FRRS1L: variants seen among roughly 807,000 people sequenced by gnomAD.
The protein encoded by FRRS1L is ferric chelate reductase 1 like.
FRRS1L carries 22 observed loss-of-function variants against 28.6 expected under a neutral mutation model. That is an observed-to-expected ratio of 0.77 (90% CI 0.55 to 1.10). The LOEUF is 1.10. Ranked by LOEUF, FRRS1L falls within the 50% of genes least tolerant of loss-of-function variation. FRRS1L has a pLI of 0.00. For synonymous variants in FRRS1L, 158 were observed against 151.4 expected, an observed-to-expected ratio of 1.04 and a Z score of -0.32; for missense variants, 380 against 386.9, an observed-to-expected ratio of 0.98 and a Z score of 0.15.
intron 4 of FRRS1L, 24 bp from the exon 5 acceptor site, chr9:109,137,651 A>T (rs773517802): frequency 6.8e-7 from 1 of 1,461,178 alleles, no homozygotes; most frequent in Non-Finnish European, 9.2e-7. Context: ...AGAGAAGAGC[A>T]GGGGCAATTG....
intron 1 of FRRS1L, among the ~76,000 whole-genome samples, chr9:109,164,198 A>G (rs977685752): frequency 1.3e-5 from 2 of 152,018 alleles, no homozygotes; most frequent in Non-Finnish European, 2.9e-5. Context: ...CGCCACTTAC[A>G]TCTCAACTAG....
At position 109,131,612 on chromosome 9, in the gene FRRS1L, C is replaced by G. The variant is rs1174435920; in HGVS notation, c.*5843G>C. The stretch of plus-strand genomic sequence containing the variant: ...ATTGTAAGTTGAAAATATCATAAGT[C>G]AAAACAATTATGGGACATAACCCCA... On this transcript the variant is annotated 3_prime_UTR_variant, in exon 5 of 5. Transcript: ENST00000561981. 1 of 152,172 alleles carries G rather than the reference C, an allele frequency of 6.6e-6. No homozygotes were observed. 9.4% of individuals were successfully genotyped at this position (152,172 alleles called of 1,614,324 possible).
intron 1 of FRRS1L, among the ~76,000 whole-genome samples, chr9:109,160,387 C>G (rs1831466396): frequency 6.6e-6 from 1 of 152,156 alleles, no homozygotes; most frequent in Non-Finnish European, 1.5e-5. Context: ...GGCACATTTA[C>G]TCAGCCATCA....
Position 109,167,076 on chromosome 9 carries a change from C to A in FRRS1L, c.63G>T (p.Thr21=), listed in dbSNP as rs558593755. 2.5e-6 allele frequency: 3 copies of A among 1,179,720 alleles called. 1 individual carries two copies. The highest frequency in any genetic ancestry group is 4.2e-5 in the East Asian group (1 of 23,810). 73.1% of individuals were successfully genotyped at this position (1,179,720 alleles called of 1,614,324 possible). ...VWASLLLLLL[T]GPAACAASPA... is the part of the protein sequence containing the mutation. ...GGCTGGCTGCGCAGGCGGCGGGCCC[C>A]GTCAGTAGCAGCAGGAGCAGCGACG... is the stretch of plus-strand genomic sequence containing the variant. The change falls in exon 1 of 5, where the codon ACG becomes ACT. Residue 21 remains threonine (T), a synonymous_variant. Transcript: ENST00000561981.
chr9:109,163,475 C>T (rs530741040), intron 1 of FRRS1L, among the ~76,000 whole-genome samples: 1 of 152,170 alleles, frequency 6.6e-6, no homozygotes, highest in Non-Finnish European at 1.5e-5. Flanking sequence ...GAATTCTGAA[C>T]ACTAGCATAA....
intron 3 of FRRS1L, 39 bp from the exon 4 acceptor site, chr9:109,141,628 G>T (rs538079112): frequency 1.9e-6 from 3 of 1,591,404 alleles, no homozygotes; most frequent in African/African-American, 2.7e-5. Context: ...AAAGTCAAAG[G>T]TTCATCTTTT....
At position 109,167,001 on chromosome 9, in the gene FRRS1L, C is replaced by A; in HGVS notation, c.138G>T (p.Ala46=). The stretch of plus-strand genomic sequence containing the variant: ...CCTCGTCGGCGCCCGTGTCCCCCCG[C>A]GCGCGTCCCCGGGGTCCCCGGCCCC... ...GPGGRGPRGR[A]RGDTGADEAV... is the part of the protein sequence containing the mutation. Residue 46 remains alanine, a synonymous_variant, in exon 1 of 5, where the codon GCG becomes GCT. Transcript: ENST00000561981. The A allele has an allele frequency of 8.0e-7, 1 of 1,253,400 alleles. No individual in the cohort carries two copies. The highest frequency in any genetic ancestry group is 1.0e-6 in the Non-Finnish European group (1 of 998,036). The allele number at this position is 1,253,400 out of a possible 1,614,324, so 77.6% of individuals were successfully genotyped here. A position where few individuals can be genotyped will look rare whatever the true frequency, so the allele number is the denominator to read the frequency against.
At position 109,132,526 on chromosome 9, in the gene FRRS1L, A is replaced by G. The variant is rs1831069681; in HGVS notation, c.*4929T>C. ...AAATAAATCAACAATAATTTATTTT[A>G]AAAGCAAATTATTCACTAACTTTGA... On this transcript the variant is annotated 3_prime_UTR_variant, in exon 5 of 5. Coordinates refer to ENST00000561981, the MANE Select transcript of FRRS1L (RefSeq NM_014334.4). 1 of 152,244 alleles carries G rather than the reference A, an allele frequency of 6.6e-6. No homozygotes were observed. The allele number at this position is 152,244 out of a possible 1,614,324, so 9.4% of individuals were successfully genotyped here. A position where few individuals can be genotyped will look rare whatever the true frequency, so the allele number is the denominator to read the frequency against.
rs1172015211 is a variant in FRRS1L at position 109,134,903 on chromosome 9, A to T, written c.*2552T>A. On this transcript the variant is annotated 3_prime_UTR_variant, in exon 5 of 5. Coordinates refer to ENST00000561981, the MANE Select transcript of FRRS1L (RefSeq NM_014334.4). ...TACTAAACAGCCACTAGAGCTGAGA[A>T]GATGAGACACAGGCCAGACTTAGCC... 6.6e-6 allele frequency: 1 copy of T among 152,262 alleles called. No homozygotes were observed. The highest frequency in any genetic ancestry group is 1.5e-5 in the Non-Finnish European group (1 of 68,048). The allele number at this position is 152,262 out of a possible 1,614,324, so 9.4% of individuals were successfully genotyped here. A position where few individuals can be genotyped will look rare whatever the true frequency, so the allele number is the denominator to read the frequency against.
At chr9:109,153,843 T>A (rs1305329114) in intron 1 of FRRS1L, among the ~76,000 whole-genome samples, 5 of 152,218 alleles carry the variant, frequency 3.3e-5, no homozygotes, top group Non-Finnish European at 5.9e-5. Flanking sequence ...CTCTATTTGA[T>A]ATAAAATAAG....
chr9:109,159,463 G>A (rs988141784), intron 1 of FRRS1L, among the ~76,000 whole-genome samples: 4 of 152,134 alleles, frequency 2.6e-5, no homozygotes, highest in African/African-American at 9.7e-5. Flanking sequence ...TCAGGGGTTC[G>A]AGACCAGCCT....
At position 109,130,703 on chromosome 9, in the gene FRRS1L, T is replaced by C. The variant is rs1277714071; in HGVS notation, c.*6752A>G. The C allele has an allele frequency of 6.6e-6, 1 of 152,190 alleles. No individual in the cohort carries two copies. Among genetic ancestry groups the C allele is most frequent in the African/African-American group, 2.4e-5 (1 of 41,448 alleles). The allele number at this position is 152,190 out of a possible 1,614,324, so 9.4% of individuals were successfully genotyped here. A position where few individuals can be genotyped will look rare whatever the true frequency, so the allele number is the denominator to read the frequency against. On this transcript the variant is annotated 3_prime_UTR_variant, in exon 5 of 5. Coordinates refer to ENST00000561981, the MANE Select transcript of FRRS1L (RefSeq NM_014334.4). Reference sequence around the variant, plus strand: ...AGACAGTCTCAAAAAAGTATATTAATACTCCTGGAGCCAGATTGTTCCAGC... The same window carrying C: ...AGACAGTCTCAAAAAAGTATATTAACACTCCTGGAGCCAGATTGTTCCAGC...
chr9:109,139,798 A>C (rs1831157110), intron 4 of FRRS1L: 1 of 152,252 alleles, frequency 6.6e-6, no homozygotes, highest in African/African-American at 2.4e-5. Context: ...GGCAACAGGC[A>C]AAATAAAAGG....
chr9:109,155,275 C>G (rs1032962285), intron 1 of FRRS1L, among the ~76,000 whole-genome samples: 1 of 152,178 alleles, frequency 6.6e-6, no homozygotes, highest in African/African-American at 2.4e-5. Flanking sequence ...TGACACTGTG[C>G]AGTACATCTC....
At chr9:109,146,111 C>T (rs774013092) in intron 3 of FRRS1L, among the ~76,000 whole-genome samples, 5 of 151,536 alleles carry the variant, frequency 3.3e-5, no homozygotes, top group South Asian at 4.2e-4. Flanking sequence ...GCAGGAGAAT[C>T]GCTTGAACCT....
intron 4 of FRRS1L, chr9:109,140,387 G>A (rs554204632): frequency 2.0e-5 from 3 of 152,254 alleles, no homozygotes; most frequent in African/African-American, 7.2e-5. Flanking sequence ...CTGGGAGGTG[G>A]AGGCTGCAGT....
At chr9:109,156,216 C>G (rs1186558015) in intron 1 of FRRS1L, among the ~76,000 whole-genome samples, 1 of 152,204 alleles carries the variant, frequency 6.6e-6, no homozygotes. Flanking sequence ...TGTATTTTCA[C>G]TCTTTCCCTT....
rs1375472555 is a variant in FRRS1L, at chr9:109,167,107, AC to A, written c.31del (p.Val11SerfsTer10). 4.3e-6 allele frequency: 5 copies of A among 1,172,174 alleles called. No homozygotes were observed. The highest frequency in any genetic ancestry group is 4.3e-5 in the Admixed American group (1 of 23,304). 72.6% of individuals were successfully genotyped at this position (1,172,174 alleles called of 1,614,324 possible). The stretch of plus-strand genomic sequence containing the variant: ...TAGCAGCAGGAGCAGCGACGCCCAG[AC>A]CCCCGGGTGCTGCCGGGGCGGCCGC... MARPPRQHPGVWASLLLLLLT... is the reference protein window; with the variant it reads MARPPRQHPGXWASLLLLLLT... On this transcript the variant is annotated frameshift_variant, in exon 1 of 5. Transcript: ENST00000561981. LOFTEE classifies it high-confidence loss of function.
chr9:109,142,695 C>G (rs1192813975), intron 3 of FRRS1L, among the ~76,000 whole-genome samples: 1 of 151,976 alleles, frequency 6.6e-6, no homozygotes, highest in Non-Finnish European at 1.5e-5. Context: ...TGCCTGTAGT[C>G]CTAGCTACTC....
Sources: allele counts gnomAD v4.1 joint callset (sites outside exome capture counted in the v4.1 genomes callset), GRCh38; gene constraint gnomAD v4.1.1; transcripts MANE v1.5; gene names NCBI Gene and HGNC (gene_info 2026-07-23, HGNC 2026-07-21).